Variants in NDUFV1 observed in about 807,000 individuals in gnomAD.
NDUFV1 encodes NADH:ubiquinone oxidoreductase core subunit V1.
A neutral mutation model predicts 48.7 loss-of-function variants in NDUFV1; 41 were observed. The ratio of observed to expected loss-of-function variants is 0.84; its 90% CI spans 0.66 to 1.09. NDUFV1 has a LOEUF of 1.09. Among genes scored for constraint, NDUFV1 ranks in the 50% least tolerant of loss-of-function variants. The pLI, the probability that NDUFV1 is intolerant of heterozygous loss-of-function variation, is 0.00. For missense variants in NDUFV1, 580 were observed against 645.4 expected (o/e 0.90, Z 1.10); for synonymous variants, 231 against 259.1 (o/e 0.89, Z 1.04).
Position 67,611,864 on chromosome 11 carries a change from G to A in NDUFV1, c.1081-33G>A, listed in dbSNP as rs774254693. On this transcript the variant is annotated intron_variant, in intron 7 of 9. Coordinates refer to ENST00000322776, the MANE Select transcript of NDUFV1 (RefSeq NM_007103.4). This position sits in a 1 kb window ranked among gnomAD's most constrained non-coding sequence, Gnocchi z 4.2. ...CTGAGGCCCAGGCTTCTGTCTGGCC[G>A]TGGGTGCCTGCTAATTGCCCCTCGT... The A allele has an allele frequency of 8.1e-6, 13 of 1,610,750 alleles. No individual in the cohort carries two copies. Among genetic ancestry groups the A allele is most frequent in the Admixed American group, 1.7e-5 (1 of 59,992 alleles).
intron 3 of NDUFV1, among the ~76,000 whole-genome samples, 180 bp from the exon 4 acceptor site, chr11:67,609,272 G>A (rs927455389): frequency 6.6e-6 from 1 of 152,176 alleles, no homozygotes; most frequent in Non-Finnish European, 1.5e-5. Flanking sequence ...AGAATAGGCA[G>A]TGAGCTCCCT....
At chr11:67,607,406 G>T (rs1854827582) in intron 1 of NDUFV1, 1 of 541,430 alleles carries the variant, frequency 1.8e-6, no homozygotes, top group Non-Finnish European at 3.5e-6. Flanking sequence ...ATTTAGGGAT[G>T]CGCACCTCCT....
rs151144350 is a variant in NDUFV1 at position 67,609,579 on chromosome 11, C to T, written c.454C>T (p.Arg152Cys). 59 of 1,611,696 alleles carry T rather than the reference C, an allele frequency of 3.7e-5. No individual in the cohort carries two copies. The African/African-American group carries it at 3.7e-4, about 10-fold the overall frequency. Residue 152 changes from arginine to cysteine, a missense_variant, in exon 4 of 10, where the codon CGC becomes TGC. By Grantham distance (180) the Arg-to-Cys change is radical. Transcript: ENST00000322776. ...CLVGGRAMGA[R>C]AAYIYIRGEF... ...GGTGGGGGGCCGGGCCATGGGCGCC[C>T]GCGCTGCCTATATCTACATCCGAGG...
Position 67,611,596 on chromosome 11 carries a change from C to A in NDUFV1, c.1080+27C>A. ...TAAGGGTTCACACACCAGCCCTGGTCCCTGCCCTCCTGGTTGCTGTCTCCC... is the reference window on the plus strand; with the variant it reads ...TAAGGGTTCACACACCAGCCCTGGTACCTGCCCTCCTGGTTGCTGTCTCCC... On this transcript the variant is annotated intron_variant, in intron 7 of 9. Coordinates refer to ENST00000322776, the MANE Select transcript of NDUFV1 (RefSeq NM_007103.4). The surrounding 1 kb of genome is among the most constrained non-coding windows in gnomAD (Gnocchi z 4.2). 1 of 1,589,086 alleles carries A rather than the reference C, an allele frequency of 6.3e-7. No individual in the cohort carries two copies. The highest frequency in any genetic ancestry group is 8.6e-7 in the Non-Finnish European group (1 of 1,167,656).
chr11:67,609,693 C>G, intron 4 of NDUFV1, 58 bp downstream of exon 4: 4 of 1,566,952 alleles, frequency 2.6e-6, no homozygotes, highest in Non-Finnish European at 3.5e-6. Context: ...TCACACACCC[C>G]TCACCCAGCA....
At chr11:67,607,407 C>A in intron 1 of NDUFV1, 1 of 538,170 alleles carries the variant, frequency 1.9e-6, no homozygotes, top group South Asian at 1.5e-5. Flanking sequence ...TTTAGGGATG[C>A]GCACCTCCTG....
intron 4 of NDUFV1, 103 bp from the exon 5 acceptor site, chr11:67,610,278 G>A: frequency 1.5e-6 from 2 of 1,347,610 alleles, no homozygotes. Context: ...GGAGCATTAG[G>A]AGCTTCACCG....
rs1854914837 is a variant in NDUFV1, at chr11:67,611,468, A to G, written c.979A>G (p.Ile327Val). ...VIPGGSSTPLIPKSVCETVLM... is the reference protein window; with the variant it reads ...VIPGGSSTPLVPKSVCETVLM... ...CCCTGGCGGCTCGTCTACCCCACTG[A>G]TCCCCAAGTCTGTGTGTGAGACGGT... Residue 327 changes from isoleucine to valine, a missense_variant, in exon 7 of 10, where the codon ATC becomes GTC. Transcript: ENST00000322776. This position sits in a 1 kb window ranked among gnomAD's most constrained non-coding sequence, Gnocchi z 4.2. 6.2e-7 allele frequency: 1 copy of G among 1,614,046 alleles called. No individual in the cohort carries two copies. Among genetic ancestry groups the G allele is most frequent in the Non-Finnish European group, 8.5e-7 (1 of 1,179,996 alleles).
rs759441828 is a variant in NDUFV1 at position 67,612,175 on chromosome 11, G to A, written c.1218G>A (p.Pro406=). 7.4e-6 allele frequency: 12 copies of A among 1,613,270 alleles called. No homozygotes were observed. The highest frequency in any genetic ancestry group is 2.2e-5 in the East Asian group (1 of 44,772). ...GTTTCGTGAGGGGGGATGCCCGGCC[G>A]GCCGAGATCGACTCCCTGTGGGAGA... ...MARFVRGDAR[P]AEIDSLWEIS... is the part of the protein sequence containing the mutation. Residue 406 remains proline, a synonymous_variant, in exon 9 of 10, where the codon CCG becomes CCA. Coordinates refer to ENST00000322776, the MANE Select transcript of NDUFV1 (RefSeq NM_007103.4). This position sits in a 1 kb window ranked among gnomAD's most constrained non-coding sequence, Gnocchi z 4.4.
chr11:67,608,640 A>ACAT lies in NDUFV1; in HGVS notation c.246_248dup (p.Ser83dup), dbSNP rs1186100869. The ACAT allele has an allele frequency of 6.2e-7, 1 of 1,614,024 alleles. No individual in the cohort carries two copies. Among genetic ancestry groups the ACAT allele is most frequent in the African/African-American group, 1.3e-5 (1 of 74,908 alleles). ...CGACTGGATCCTGGGCGAGATCAAG[A>ACAT]CATCGGGTTTGAGGGGCCGTGGAGG... is the stretch of plus-strand genomic sequence containing the variant. On this transcript the variant is annotated inframe_insertion, in exon 3 of 10. Transcript: ENST00000322776.
At chr11:67,610,329 G>A (rs1222375190) in intron 4 of NDUFV1, 52 bp from the exon 5 acceptor site, 2 of 1,606,044 alleles carry the variant, frequency 1.2e-6, no homozygotes, top group Non-Finnish European at 1.7e-6. Context: ...GAAGTTATAG[G>A]CTGACTCCTG....
In NDUFV1 at chr11:67,608,554, T is replaced by G; in HGVS notation, c.158T>G (p.Leu53Arg). 1 of 1,614,206 alleles carries G rather than the reference T, an allele frequency of 6.2e-7. No homozygotes were observed. The highest frequency in any genetic ancestry group is 1.1e-5 in the South Asian group (1 of 91,084). ...TNLYGRHDWR[L>R]KGSLSRGDWY... is the part of the protein sequence containing the mutation. ...ATTGCCTTCCCTATTCTGTCCAGGC[T>G]GAAAGGTTCCCTGAGTCGAGGTGAC... Residue 53 changes from leucine to arginine, a missense_variant and splice_region_variant, in exon 3 of 10, where the codon CTG (leucine) becomes CGG (arginine). By Grantham distance (102) the Leu-to-Arg change is moderately radical. Coordinates refer to ENST00000322776, the MANE Select transcript of NDUFV1 (RefSeq NM_007103.4).
At chr11:67,610,117 A>C in intron 4 of NDUFV1, 1 of 534,220 alleles carries the variant, frequency 1.9e-6, no homozygotes, top group Non-Finnish European at 3.3e-6. Context: ...TTTACAGACT[A>C]GGGTAGTTAG....
At position 67,612,099 on chromosome 11, in the gene NDUFV1, C is replaced by T. The variant is rs755847058; in HGVS notation, c.1163-21C>T. 6.2e-7 allele frequency: 1 copy of T among 1,613,608 alleles called. No individual in the cohort carries two copies. Among genetic ancestry groups the T allele is most frequent in the East Asian group, 2.2e-5 (1 of 44,826 alleles). On this transcript the variant is annotated intron_variant, in intron 8 of 9. Coordinates refer to ENST00000322776, the MANE Select transcript of NDUFV1 (RefSeq NM_007103.4). This position sits in a 1 kb window ranked among gnomAD's most constrained non-coding sequence, Gnocchi z 4.4. ...CTGGCTGGGGAGATCATCAGGCCCT[C>T]TCTTGTGGCTGTGGCTGCAGGTGTG...
chr11:67,610,271 G>C (rs986751587), intron 4 of NDUFV1, 110 bp from the exon 5 acceptor site: 37 of 1,278,632 alleles, frequency 2.9e-5, no homozygotes, highest in African/African-American at 4.4e-5. Context: ...TATACCAGGA[G>C]CATTAGGAGC....
At position 67,606,942 on chromosome 11, in the gene NDUFV1, C is replaced by G. The variant is rs1270196557; in HGVS notation, c.-63C>G. The G allele has an allele frequency of 4.5e-6, 7 of 1,552,138 alleles. No homozygotes were observed. Among genetic ancestry groups the G allele is most frequent in the Non-Finnish European group, 4.4e-6 (5 of 1,140,816 alleles). On this transcript the variant is annotated 5_prime_UTR_variant, in exon 1 of 10. Coordinates refer to ENST00000322776, the MANE Select transcript of NDUFV1 (RefSeq NM_007103.4). ...CGCGCCACCTAGCGTCTCTATCGCG[C>G]CAGTTCCTCAGCCTCAGTGCTATGA...
Position 67,611,554 on chromosome 11 carries a change from C to T in NDUFV1, c.1065C>T (p.Ile355=), listed in dbSNP as rs148408365. The T allele has an allele frequency of 2.1e-5, 33 of 1,606,848 alleles. No individual in the cohort carries two copies. The highest frequency in any genetic ancestry group is 8.0e-5 in the African/African-American group (6 of 74,986). ...AQTGLGTAAV[I]VMDRSTDIVK... is the part of the protein sequence containing the mutation. ...CAGGCCTGGGCACAGCTGCGGTGAT[C>T]GTCATGGACCGCTCGGTAAGGGTTC... Residue 355 remains isoleucine (I), a synonymous_variant, in exon 7 of 10, where the codon ATC becomes ATT. Transcript: ENST00000322776. The surrounding 1 kb of genome is among the most constrained non-coding windows in gnomAD (Gnocchi z 4.2).
rs371312746 is a variant in NDUFV1, at chr11:67,610,655, T to C, written c.700+85T>C. Reference sequence around the variant, plus strand: ...GCTCCCTTTGGATTGTTCTTAGGGATTTCTGAGTGGCTTCCCGGCTGGGGC... The same window carrying C: ...GCTCCCTTTGGATTGTTCTTAGGGACTTCTGAGTGGCTTCCCGGCTGGGGC... On this transcript the variant is annotated intron_variant, in intron 5 of 9. Transcript: ENST00000322776. 25 of 1,541,260 alleles carry C rather than the reference T, an allele frequency of 1.6e-5. No individual in the cohort carries two copies. In the African/African-American group the frequency reaches 3.3e-4, roughly 20 times the overall value.
chr11:67,611,565 G>A lies in NDUFV1; in HGVS notation c.1076G>A (p.Arg359His), dbSNP rs770779563. 1.2e-5 allele frequency: 19 copies of A among 1,601,952 alleles called. No homozygotes were observed. The highest frequency in any genetic ancestry group is 7.8e-5 in the South Asian group (7 of 89,174). ...ACAGCTGCGGTGATCGTCATGGACC[G>A]CTCGGTAAGGGTTCACACACCAGCC... ...LGTAAVIVMD[R>H]STDIVKAIAR... is the part of the protein sequence containing the mutation. The change falls in exon 7 of 10, where the codon CGC becomes CAC. Residue 359 changes from arginine (R) to histidine (H), a missense_variant. Transcript: ENST00000322776. This position sits in a 1 kb window ranked among gnomAD's most constrained non-coding sequence, Gnocchi z 4.2.
Sources: gnomAD v4.1 joint callset for allele counts (sites outside exome capture counted in the v4.1 genomes callset) on GRCh38, gnomAD v4.1.1 for gene constraint, Gnocchi (gnomAD v3.1) non-coding constraint, MANE v1.5 for transcripts, NCBI Gene and HGNC (gene_info 2026-07-23, HGNC 2026-07-21) for gene names.